CEP55: variants seen among roughly 807,000 people sequenced by gnomAD.
CEP55 encodes centrosomal protein 55.
Under a neutral mutation model 63.2 loss-of-function variants are expected in CEP55, and 57 were observed. That is an observed-to-expected ratio of 0.90 (90% confidence interval 0.73 to 1.13). The LOEUF is 1.13. CEP55 is among the 50% of genes most tolerant of loss of function. The pLI is 0.00. For synonymous variants in CEP55, 178 were observed against 191.6 expected (o/e 0.93, Z 0.59); for missense variants, 456 against 518.9 (o/e 0.88, Z 1.18).
intron 3 of CEP55, among the ~76,000 whole-genome samples, chr10:93,506,269 A>G (rs1356449740): frequency 1.3e-5 from 2 of 152,190 alleles, no homozygotes; most frequent in African/African-American, 4.8e-5. Flanking sequence ...AATACAAAAC[A>G]TGATTCTAGA....
Position 93,515,556 on chromosome 10 carries a change from G to A in CEP55, c.679+1G>A. ...CAGACAAAAAAGCCTGAATCAGAAGGTACTGACTGGTATAAAAATGTTCTC... is the reference window on the plus strand; with the variant it reads ...CAGACAAAAAAGCCTGAATCAGAAGATACTGACTGGTATAAAAATGTTCTC... On this transcript the variant is annotated splice_donor_variant, in intron 5 of 8. Coordinates refer to ENST00000371485, the MANE Select transcript of CEP55 (RefSeq NM_018131.5). LOFTEE classifies it high-confidence loss of function. 1 of 1,600,148 alleles carries A rather than the reference G, an allele frequency of 6.2e-7. No homozygotes were observed. Among genetic ancestry groups the A allele is most frequent in the Non-Finnish European group, 8.5e-7 (1 of 1,170,664 alleles).
At position 93,516,997 on chromosome 10, in the gene CEP55, C is replaced by A. The variant is rs1198311605; in HGVS notation, c.742C>A (p.Leu248Ile). 1.2e-6 allele frequency: 2 copies of A among 1,607,688 alleles called. No individual in the cohort carries two copies. Among genetic ancestry groups the A allele is most frequent in the Non-Finnish European group, 1.7e-6 (2 of 1,175,528 alleles). The change falls in exon 6 of 9, where the codon CTT (leucine) becomes ATT (isoleucine). Residue 248 changes from leucine to isoleucine, a missense_variant. By Grantham distance (5) the Leu-to-Ile change is conservative. Coordinates refer to ENST00000371485, the MANE Select transcript of CEP55 (RefSeq NM_018131.5). ...NDLLASAKKD[L>I]EVERQTITQL... ...TCTCTTGGCAAGTGCAAAAAAAGAT[C>A]TTGAGGTTGAACGACAAACCATAAC... is the stretch of plus-strand genomic sequence containing the variant.
chr10:93,521,568 G>A (rs1007727321), intron 8 of CEP55, among the ~76,000 whole-genome samples: 2 of 152,196 alleles, frequency 1.3e-5, no homozygotes, highest in African/African-American at 2.4e-5. Context: ...AGACTTAAAT[G>A]TCCCTGTCTG....
chr10:93,503,972 TC>T (rs1216784983), intron 3 of CEP55, among the ~76,000 whole-genome samples: 2 of 151,884 alleles, frequency 1.3e-5, no homozygotes, highest in Non-Finnish European at 2.9e-5. Flanking sequence ...AATCTTAGTT[TC>T]TTTTTTTTTT....
In CEP55 at chr10:93,507,048, C is replaced by T; in HGVS notation, c.520C>T (p.Leu174=). ...TAATATTCATGAAATGGAAATACAG[C>T]TGAAAGATGTAAGTTCATTTCCTTT... ...INNIHEMEIQ[L]KDALEKNQQW... Residue 174 remains leucine (L), a synonymous_variant, in exon 4 of 9, where the codon CTG becomes TTG. Coordinates refer to ENST00000371485, the MANE Select transcript of CEP55 (RefSeq NM_018131.5). 6.5e-7 allele frequency: 1 copy of T among 1,548,462 alleles called. No homozygotes were observed. The highest frequency in any genetic ancestry group is 2.2e-5 in the East Asian group (1 of 44,496).
chr10:93,521,421 C>T (rs1055717411), intron 8 of CEP55, among the ~76,000 whole-genome samples: 1 of 152,162 alleles, frequency 6.6e-6, no homozygotes, highest in Non-Finnish European at 1.5e-5. Context: ...ATTGCTGAGG[C>T]TCGAGTAAGT....
intron 4 of CEP55, among the ~76,000 whole-genome samples, chr10:93,513,741 G>A (rs1021887171): frequency 2.0e-5 from 3 of 152,146 alleles, no homozygotes; most frequent in South Asian, 2.1e-4. Context: ...ATTACTATGA[G>A]CTCTGGATTT....
At chr10:93,527,796 G>A (rs552473352) in intron 8 of CEP55, among the ~76,000 whole-genome samples, 154 bp from the exon 9 acceptor site, 7 of 151,830 alleles carry the variant, frequency 4.6e-5, no homozygotes, top group African/African-American at 9.7e-5. Flanking sequence ...TGAGAGGATT[G>A]CTTAAGCCTG....
At chr10:93,499,546 G>A (rs891393397) in intron 1 of CEP55, among the ~76,000 whole-genome samples, 29 of 144,022 alleles carry the variant, frequency 2.0e-4, no homozygotes, top group African/African-American at 7.3e-4. Flanking sequence ...TTTTGAGACG[G>A]AGTCTTGCTG....
At chr10:93,527,178 G>C (rs1715040574) in intron 8 of CEP55, among the ~76,000 whole-genome samples, 1 of 151,842 alleles carries the variant, frequency 6.6e-6, no homozygotes, top group Non-Finnish European at 1.5e-5. Context: ...ACTACTCCAA[G>C]TTCTTAGAAA....
At chr10:93,507,776 G>A (rs1269786356) in intron 4 of CEP55, among the ~76,000 whole-genome samples, 2 of 151,888 alleles carry the variant, frequency 1.3e-5, no homozygotes, top group African/African-American at 4.8e-5. Context: ...AGCCTCCCAA[G>A]TACCTGGGAT....
At chr10:93,525,868 A>G (rs1260739778) in intron 8 of CEP55, among the ~76,000 whole-genome samples, 1 of 151,944 alleles carries the variant, frequency 6.6e-6, no homozygotes, top group East Asian at 1.9e-4. Flanking sequence ...TGGTGCTGGG[A>G]AAACTGGCTA....
chr10:93,506,957 C>T, intron 3 of CEP55, 31 bp from the exon 4 acceptor site: 1 of 1,366,808 alleles, frequency 7.3e-7, no homozygotes, highest in Non-Finnish European at 1.0e-6. Context: ...TGTGGAATGT[C>T]TGATGTTAAC....
intron 8 of CEP55, 64 bp from the exon 9 acceptor site, chr10:93,527,886 G>A (rs199759980): frequency 5.1e-5 from 59 of 1,156,472 alleles, no homozygotes; most frequent in African/African-American, 1.1e-4. Context: ...CTCAAAAAAA[G>A]AAAAAAAAAA....
intron 1 of CEP55, among the ~76,000 whole-genome samples, chr10:93,498,918 A>G (rs772410917): frequency 2.0e-5 from 3 of 151,838 alleles, no homozygotes; most frequent in Non-Finnish European, 2.9e-5. Flanking sequence ...ACTCCTTTAT[A>G]TCCTTTAATC....
intron 4 of CEP55, among the ~76,000 whole-genome samples, chr10:93,514,018 C>G (rs1164183362): frequency 6.7e-6 from 1 of 150,182 alleles, no homozygotes; most frequent in South Asian, 2.2e-4. Flanking sequence ...AATCTTGGCT[C>G]ACTGCAACCT....
At chr10:93,507,224 C>A (rs374070083) in intron 4 of CEP55, among the ~76,000 whole-genome samples, 168 bp downstream of exon 4, 1 of 111,674 alleles carries the variant, frequency 9.0e-6, no homozygotes, top group East Asian at 2.0e-4. Flanking sequence ...AAGCATAGTC[C>A]CTTTTTTTTT....
At chr10:93,520,736 G>A (rs1024735973) in intron 8 of CEP55, among the ~76,000 whole-genome samples, 1 of 151,652 alleles carries the variant, frequency 6.6e-6, no homozygotes, top group Non-Finnish European at 1.5e-5. Flanking sequence ...ACAGTGAAAT[G>A]TTACAAATAT....
intron 4 of CEP55, among the ~76,000 whole-genome samples, chr10:93,512,662 T>A (rs11187489): frequency 0.05 from 7,547 of 152,232 alleles, 252 homozygotes; most frequent in Non-Finnish European, 0.076. Context: ...TTTATAGGTA[T>A]TTGGATATAC....
Sources: allele counts gnomAD v4.1 joint callset (sites outside exome capture counted in the v4.1 genomes callset), GRCh38; gene constraint gnomAD v4.1.1; transcripts MANE v1.5; gene names NCBI Gene and HGNC (gene_info 2026-07-23, HGNC 2026-07-21).